Variants in ARHGAP29 observed in about 807,000 individuals in gnomAD.
ARHGAP29 encodes the protein rho GTPase-activating protein 29.
A neutral mutation model predicts 122.6 loss-of-function variants in ARHGAP29; 43 were observed. The observed-to-expected ratio is 0.35, with a 90% CI of 0.27 to 0.45. ARHGAP29 has a LOEUF of 0.45. ARHGAP29 is among the 20% of genes least tolerant of loss of function. ARHGAP29 has a pLI of 1.00. For missense variants in ARHGAP29, 1,303 were observed against 1,477.2 expected, an observed-to-expected ratio of 0.88 and a Z score of 1.93; for synonymous variants, 506 against 497.1, an observed-to-expected ratio of 1.02 and a Z score of -0.24.
chr1:94,185,754 AG>A (rs1649760738), intron 16 of ARHGAP29, among the ~76,000 whole-genome samples: 1 of 152,280 alleles, frequency 6.6e-6, no homozygotes, highest in Admixed American at 6.5e-5. Flanking sequence ...TTTCAGAATC[AG>A]CATATTTACA....
chr1:94,299,372 G>A, the ARHGAP29 span, among the ~76,000 whole-genome samples: 1 of 152,080 alleles, frequency 6.6e-6, no homozygotes, highest in African/African-American at 2.4e-5. Context: ...GAAATACAAG[G>A]CTTTTTGGAA....
rs1649335937 is a variant in ARHGAP29, at chr1:94,179,779, T to TAG, written c.2425_2426insCT (p.Gln809ProfsTer15). The TAG allele has an allele frequency of 6.2e-7, 1 of 1,613,412 alleles. No individual in the cohort carries two copies. On this transcript the variant is annotated frameshift_variant, in exon 20 of 23. Transcript: ENST00000260526. LOFTEE classifies it high-confidence loss of function. ...ACTGTTAAAATTTGATGCTGGCAAT[T>TAG]GTCTTAGAAGGTCTTTGCTTTTTAG...
the ARHGAP29 span, among the ~76,000 whole-genome samples, chr1:94,292,825 A>G: frequency 0.051 from 7,746 of 152,254 alleles, 679 homozygotes; most frequent in African/African-American, 0.18. Flanking sequence ...TCTTTCCTCT[A>G]GAAGCTTTGT....
chr1:94,220,992 G>C (rs1434377914), intron 2 of ARHGAP29, among the ~76,000 whole-genome samples: 1 of 152,086 alleles, frequency 6.6e-6, no homozygotes, highest in Non-Finnish European at 1.5e-5. Flanking sequence ...ACAGTAGCTA[G>C]AACAGAGCAG....
At chr1:94,263,639 T>C (rs1160845607) in intron 1 of ARHGAP29, among the ~76,000 whole-genome samples, 2 of 152,176 alleles carry the variant, frequency 1.3e-5, no homozygotes, top group Non-Finnish European at 2.9e-5. Flanking sequence ...AGAAAATTGG[T>C]TAGAATTCTA....
At chr1:94,244,647 TA>T (rs895449464) in intron 1 of ARHGAP29, among the ~76,000 whole-genome samples, 85 of 151,354 alleles carry the variant, frequency 5.6e-4, no homozygotes, top group Non-Finnish European at 7.7e-4. Context: ...GTTGGGGACT[TA>T]AAAAAAAATC....
In ARHGAP29 at chr1:94,189,346, T is replaced by C. The variant is rs1200202480; in HGVS notation, c.1446A>G (p.Val482=). The change falls in exon 14 of 23, where the codon GTA becomes GTG. Residue 482 remains valine, a synonymous_variant. Coordinates refer to ENST00000260526, the MANE Select transcript of ARHGAP29 (RefSeq NM_004815.4). The part of the protein sequence containing the change: ...STEEEKVDGN[V]NKHLNSSQPS... Reference sequence around the variant, plus strand: ...GTTGGGAACTATTTAAATGTTTATTTACATTTCTGAAACAACAACAATGAC... The same window carrying C: ...GTTGGGAACTATTTAAATGTTTATTCACATTTCTGAAACAACAACAATGAC... The C allele has an allele frequency of 6.2e-7, 1 of 1,605,844 alleles. No individual in the cohort carries two copies. Among genetic ancestry groups the C allele is most frequent in the Non-Finnish European group, 8.5e-7 (1 of 1,177,288 alleles).
chr1:94,190,009 A>C lies in ARHGAP29; in HGVS notation c.1356T>G (p.Asp452Glu). Residue 452 changes from aspartate to glutamate, a missense_variant, in exon 13 of 23, where the codon GAT becomes GAG. Around this residue, in one of 3 missense-constraint regions of ARHGAP29, gnomAD observed 592 missense variants for 648.2 expected, o/e 0.91. Coordinates refer to ENST00000260526, the MANE Select transcript of ARHGAP29 (RefSeq NM_004815.4). Reference protein sequence around the residue: ...SLADSLQSLCDSAKLYDPGQE... With the variant: ...SLADSLQSLCESAKLYDPGQE... ...GGCCTGGGTCATAGAGTTTGGCACT[A>C]TCACAGAGAGACTGTAAACTGTCTG... 6.2e-7 allele frequency: 1 copy of C among 1,613,580 alleles called. No individual in the cohort carries two copies. Among genetic ancestry groups the C allele is most frequent in the South Asian group, 1.1e-5 (1 of 91,050 alleles).
At chr1:94,246,010 A>G (rs907610312) in intron 1 of ARHGAP29, among the ~76,000 whole-genome samples, 1 of 152,204 alleles carries the variant, frequency 6.6e-6, no homozygotes, top group South Asian at 2.1e-4. Flanking sequence ...ACCAACCACT[A>G]TACATTCTTG....
At chr1:94,208,795 A>G (rs2101538550) in intron 5 of ARHGAP29, 37 bp downstream of exon 5, 1 of 1,594,084 alleles carries the variant, frequency 6.3e-7, no homozygotes, top group Non-Finnish European at 8.6e-7. Flanking sequence ...GAAGTTAAAA[A>G]CATTAAAGAC....
chr1:94,196,319 T>C (rs1299867673), intron 12 of ARHGAP29, among the ~76,000 whole-genome samples: 2 of 133,356 alleles, frequency 1.5e-5, no homozygotes, highest in South Asian at 2.5e-4. Context: ...TGGAGTGCAG[T>C]GGCGCGATCT....
At chr1:94,220,133 C>T in intron 3 of ARHGAP29, 125 bp downstream of exon 3, 1 of 1,081,942 alleles carries the variant, frequency 9.2e-7, no homozygotes. Flanking sequence ...GTATATATAA[C>T]TCCTTATTAA....
chr1:94,288,411 G>A, the ARHGAP29 span, among the ~76,000 whole-genome samples: 2 of 152,070 alleles, frequency 1.3e-5, no homozygotes, highest in Non-Finnish European at 2.9e-5. Context: ...TTTGTCAGAT[G>A]GGTAGATTGC....
chr1:94,206,470 A>G (rs1651197314), intron 5 of ARHGAP29, among the ~76,000 whole-genome samples: 1 of 152,216 alleles, frequency 6.6e-6, no homozygotes, highest in Non-Finnish European at 1.5e-5. Context: ...ACTGGGCTAC[A>G]TATTTTAAGT....
Position 94,179,976 on chromosome 1 carries a change from A to G in ARHGAP29, c.2248-19T>C, listed in dbSNP as rs1281072750. The G allele has an allele frequency of 6.5e-7, 1 of 1,539,998 alleles. No homozygotes were observed. The highest frequency in any genetic ancestry group is 1.9e-5 in the Admixed American group (1 of 52,960). On this transcript the variant is annotated intron_variant, in intron 19 of 22. Coordinates refer to ENST00000260526, the MANE Select transcript of ARHGAP29 (RefSeq NM_004815.4). ...CTGGGAGCTAAAGAAATAAAATTAC[A>G]TTGGGGTAAGCATTCTATTTTTTTC...
Position 94,203,118 on chromosome 1 carries a change from C to T in ARHGAP29, c.855G>A (p.Gln285=), listed in dbSNP as rs550429953. ...HLLQQTIAAL[Q]ANKFVQPLLG... is the part of the protein sequence containing the mutation. ...TCTTTACCTGCACAAATTTGTTAGC[C>T]TGGAGAGCTGCAATTGTTTGTTGTA... The change falls in exon 9 of 23, where the codon CAG becomes CAA. Residue 285 remains glutamine (Q), a synonymous_variant. Transcript: ENST00000260526. 8 of 1,612,798 alleles carry T rather than the reference C, an allele frequency of 5.0e-6. No individual in the cohort carries two copies. In the East Asian group the frequency reaches 1.1e-4, roughly 23 times the overall value.
At chr1:94,296,683 A>G in the ARHGAP29 span, among the ~76,000 whole-genome samples, 1 of 152,146 alleles carries the variant, frequency 6.6e-6, no homozygotes, top group African/African-American at 2.4e-5. Flanking sequence ...TACAGTTTAT[A>G]TAGACTTTGG....
chr1:94,277,488 A>G (rs1052662665), upstream of ARHGAP29, among the ~76,000 whole-genome samples: 2 of 152,186 alleles, frequency 1.3e-5, no homozygotes, highest in Non-Finnish European at 2.9e-5. Flanking sequence ...ACCATTTTAA[A>G]TTTATTATAA....
At chr1:94,197,518 A>C (rs936692451) in intron 12 of ARHGAP29, among the ~76,000 whole-genome samples, 13 of 152,226 alleles carry the variant, frequency 8.5e-5, no homozygotes. Context: ...CATTTTATGC[A>C]GCCAGAATCA....
Sources: gnomAD v4.1 joint callset for allele counts (sites outside exome capture counted in the v4.1 genomes callset) on GRCh38, gnomAD v4.1.1 for gene constraint, gnomAD v4.1.1 regional missense constraint, MANE v1.5 for transcripts, NCBI Gene and HGNC (gene_info 2026-07-23, HGNC 2026-07-21) for gene names.